The following PCDHA7 variants were observed in gnomAD, a reference collection of about 807,000 sequenced individuals.
PCDHA7 encodes protocadherin alpha-7.
PCDHA7 carries 37 observed loss-of-function variants against 57.2 expected under a neutral mutation model. The observed-to-expected ratio is 0.65, with a 90% CI of 0.50 to 0.85. The LOEUF (loss-of-function observed/expected upper bound fraction) is 0.85, where lower values mean the gene tolerates loss of function less well. Ranked by LOEUF, PCDHA7 falls within the 40% of genes least tolerant of loss-of-function variation. The probability of loss-of-function intolerance (pLI) is 0.00; values close to 1 mark genes in which losing one functional copy is unlikely to be tolerated. For missense variants in PCDHA7, 1,188 were observed against 1,241.8 expected, an observed-to-expected ratio of 0.96 and a Z score of 0.65; for synonymous variants, 553 against 558.8, an observed-to-expected ratio of 0.99 and a Z score of 0.15.
intron 1 of PCDHA7, chr5:140,864,855 T>G (rs1173322611): frequency 1.3e-5 from 2 of 152,178 alleles, no homozygotes; most frequent in African/African-American, 4.8e-5. Flanking sequence ...CCATACATGA[T>G]GAAGGGTGAT....
At chr5:140,984,295 A>C (rs1195087908) in intron 3 of PCDHA7, among the ~76,000 whole-genome samples, 3 of 152,208 alleles carry the variant, frequency 2.0e-5, no homozygotes, top group African/African-American at 7.2e-5. Flanking sequence ...CCCATTGGTG[A>C]TGCTGGTTGG....
intron 1 of PCDHA7, chr5:140,851,060 C>T (rs2041943229): frequency 1.5e-6 from 2 of 1,374,418 alleles, no homozygotes; most frequent in Admixed American, 2.8e-5. Flanking sequence ...GTCTTGACTT[C>T]TAGTGAGAAT....
At chr5:140,936,367 A>C (rs1347774517) in intron 1 of PCDHA7, among the ~76,000 whole-genome samples, 2 of 152,230 alleles carry the variant, frequency 1.3e-5, no homozygotes, top group East Asian at 1.9e-4. Flanking sequence ...GCTACTGAGC[A>C]CTTGAAATGT....
chr5:140,907,479 G>A (rs782466276), intron 1 of PCDHA7, among the ~76,000 whole-genome samples: 1 of 152,216 alleles, frequency 6.6e-6, no homozygotes, highest in Non-Finnish European at 1.5e-5. Context: ...TGCAGGATAG[G>A]CAAACCCATA....
At chr5:140,968,841 A>G in intron 1 of PCDHA7, 1 of 1,614,222 alleles carries the variant, frequency 6.2e-7, no homozygotes, top group Middle Eastern at 1.6e-4. Context: ...CCTGACACTC[A>G]GAGGCATGTT....
At chr5:140,856,902 C>A in intron 1 of PCDHA7, 1 of 1,596,268 alleles carries the variant, frequency 6.3e-7, no homozygotes, top group Non-Finnish European at 8.6e-7. Flanking sequence ...TCTTTGGTCC[C>A]ACCCACGATA....
intron 1 of PCDHA7, chr5:140,868,367 A>G (rs1172492575): frequency 6.6e-6 from 1 of 152,208 alleles, no homozygotes; most frequent in East Asian, 1.9e-4. Flanking sequence ...AAATGTAAAT[A>G]ACAGTAAAGA....
intron 1 of PCDHA7, among the ~76,000 whole-genome samples, chr5:140,902,916 A>G (rs940228069): frequency 2.0e-5 from 3 of 152,174 alleles, no homozygotes; most frequent in African/African-American, 4.8e-5. Context: ...GCTGAGTAGT[A>G]TTGCATGGTG....
intron 2 of PCDHA7, 125 bp downstream of exon 2, chr5:140,979,132 A>T: frequency 4.8e-6 from 7 of 1,471,500 alleles, no homozygotes; most frequent in Non-Finnish European, 6.3e-6. Context: ...TGCCAGGAAA[A>T]TGCAATTATT....
intron 2 of PCDHA7, among the ~76,000 whole-genome samples, chr5:140,980,631 A>G (rs1272240071): frequency 6.6e-6 from 1 of 152,222 alleles, no homozygotes; most frequent in Non-Finnish European, 1.5e-5. Flanking sequence ...TCTGTCTCAG[A>G]AGAATAAATA....
intron 1 of PCDHA7, among the ~76,000 whole-genome samples, chr5:140,906,751 G>C (rs782384757): frequency 1.3e-5 from 2 of 152,166 alleles, no homozygotes; most frequent in African/African-American, 2.4e-5. Context: ...CACAGGGCAT[G>C]GTAATACTAA....
chr5:140,979,898 G>A (rs1253481087), intron 2 of PCDHA7, among the ~76,000 whole-genome samples: 2 of 152,212 alleles, frequency 1.3e-5, no homozygotes, highest in Non-Finnish European at 1.5e-5. Context: ...ACCAAACTTA[G>A]ATCAGTTCGT....
chr5:140,969,803 T>G, intron 1 of PCDHA7, among the ~76,000 whole-genome samples: 1 of 152,248 alleles, frequency 6.6e-6, no homozygotes, highest in South Asian at 2.1e-4. Context: ...ATCTGCTGTC[T>G]CTGTTTATAC....
At position 140,968,861 on chromosome 5, in the gene PCDHA7, C is replaced by G; in HGVS notation, c.2356-10088C>G. 1.9e-6 allele frequency: 3 copies of G among 1,614,182 alleles called. No homozygotes were observed. In the South Asian group the frequency reaches 3.3e-5, roughly 18 times the overall value. ...CACTCAGAGGCATGTTAAGAGCCCT[C>G]GGACATACTCTGAAATTACCCTTTA... is the stretch of plus-strand genomic sequence containing the variant. On this transcript the variant is annotated intron_variant, in intron 1 of 3. Coordinates refer to ENST00000525929, the MANE Select transcript of PCDHA7 (RefSeq NM_018910.3).
intron 3 of PCDHA7, among the ~76,000 whole-genome samples, chr5:141,007,495 G>T (rs2098332812): frequency 6.6e-6 from 1 of 151,988 alleles, no homozygotes; most frequent in Non-Finnish European, 1.5e-5. Flanking sequence ...TTGGACCTAG[G>T]AGGCAGAGAC....
rs377069661 is a variant in PCDHA7 at position 140,915,905 on chromosome 5, G to A, written c.2356-63044G>A. ...AGCAAGTTCCCCCTGGCCCTGGGCA[G>A]GCCCAGAGATGCTACTTGGGAGTCA... On this transcript the variant is annotated intron_variant, in intron 1 of 3. Transcript: ENST00000525929. Among the ~76,000 whole-genome samples, 6 of 152,266 alleles carry A rather than the reference G, an allele frequency of 3.9e-5. No individual in the cohort carries two copies. In the East Asian group the frequency reaches 1.2e-3, roughly 29 times the overall value.
chr5:140,859,090 A>G (rs2045720842), intron 1 of PCDHA7: 1 of 150,172 alleles, frequency 6.7e-6, no homozygotes, highest in African/African-American at 2.4e-5. Context: ...GTCAGTGTGT[A>G]TTATTCACTT....
chr5:140,847,275 C>T (rs1232934318), intron 1 of PCDHA7, among the ~76,000 whole-genome samples: 1 of 149,636 alleles, frequency 6.7e-6, no homozygotes, highest in Non-Finnish European at 1.5e-5. Flanking sequence ...GAAGGTTGAA[C>T]GGGAAGACAA....
At chr5:140,908,179 C>T (rs1158845408) in intron 1 of PCDHA7, among the ~76,000 whole-genome samples, 1 of 152,194 alleles carries the variant, frequency 6.6e-6, no homozygotes, top group Non-Finnish European at 1.5e-5. Context: ...CAGCTGTCCA[C>T]TTTCAGGTGG....
Sources: allele counts gnomAD v4.1 joint callset (sites outside exome capture counted in the v4.1 genomes callset), GRCh38; gene constraint gnomAD v4.1.1; transcripts MANE v1.5; gene names NCBI Gene and HGNC (gene_info 2026-07-23, HGNC 2026-07-21).